The following THSD7A variants were observed in gnomAD, a reference collection of about 807,000 sequenced individuals.
THSD7A encodes thrombospondin type-1 domain-containing protein 7A.
A neutral mutation model predicts 231.3 loss-of-function variants in THSD7A; 96 were observed. That is an observed-to-expected ratio of 0.41 (90% CI 0.35 to 0.49). The LOEUF (loss-of-function observed/expected upper bound fraction) is 0.49, where lower values mean the gene tolerates loss of function less well. Ranked by LOEUF, THSD7A falls within the 20% of genes least tolerant of loss-of-function variation. The probability of loss-of-function intolerance (pLI) is 0.05; values close to 1 mark genes in which losing one functional copy is unlikely to be tolerated. For synonymous variants in THSD7A, 940 were observed against 743.3 expected (o/e 1.26, Z -4.30); for missense variants, 2,290 against 2,070.2 (o/e 1.11, Z -2.06).
intron 6 of THSD7A, 26 bp from the exon 7 acceptor site, chr7:11,482,008 C>T (rs1411443844): frequency 6.4e-7 from 1 of 1,553,394 alleles, no homozygotes; most frequent in Admixed American, 1.9e-5. Context: ...CCACCAACAG[C>T]TATTATTGTT....
At chr7:11,727,208 G>A (rs1268633844) in intron 1 of THSD7A, among the ~76,000 whole-genome samples, 1 of 151,928 alleles carries the variant, frequency 6.6e-6, no homozygotes, top group Non-Finnish European at 1.5e-5. Context: ...TTGGGCCTTT[G>A]AGATTCTTGC....
intron 1 of THSD7A, among the ~76,000 whole-genome samples, chr7:11,722,770 C>A (rs1411996199): frequency 6.6e-6 from 1 of 152,004 alleles, no homozygotes; most frequent in Non-Finnish European, 1.5e-5. Context: ...ATCAAAACCA[C>A]AATGAGATAC....
At chr7:11,783,419 C>T (rs1339522057) in intron 1 of THSD7A, among the ~76,000 whole-genome samples, 2 of 152,148 alleles carry the variant, frequency 1.3e-5, no homozygotes, top group Admixed American at 6.5e-5. Context: ...GTGTATCACT[C>T]TCTCACCATT....
intron 1 of THSD7A, among the ~76,000 whole-genome samples, chr7:11,811,327 G>A (rs1245657782): frequency 6.6e-6 from 1 of 152,096 alleles, no homozygotes; most frequent in African/African-American, 2.4e-5. Flanking sequence ...GGTTAAAATT[G>A]CTATTTTTAT....
intron 6 of THSD7A, among the ~76,000 whole-genome samples, chr7:11,486,216 A>C (rs1786650110): frequency 6.6e-6 from 1 of 152,010 alleles, no homozygotes; most frequent in Non-Finnish European, 1.5e-5. Context: ...AGCAGAAAAT[A>C]ATTTCATCCC....
At chr7:11,412,331 G>T (rs907764174) in intron 18 of THSD7A, among the ~76,000 whole-genome samples, 46 of 152,102 alleles carry the variant, frequency 3.0e-4, no homozygotes, top group African/African-American at 9.9e-4. Context: ...AGACATTTTT[G>T]AATAAATCTG....
chr7:11,790,206 G>T (rs76817184), intron 1 of THSD7A, among the ~76,000 whole-genome samples: 4,145 of 151,850 alleles, frequency 0.027, 99 homozygotes, highest in East Asian at 0.14. Context: ...ATGCTATATT[G>T]TTCAGAAAAT....
chr7:11,644,722 A>G (rs183373737), intron 1 of THSD7A, among the ~76,000 whole-genome samples: 2 of 152,150 alleles, frequency 1.3e-5, no homozygotes, highest in Admixed American at 1.3e-4. Context: ...AATGCTAAAC[A>G]CAATAATCTA....
At chr7:11,694,192 G>A (rs757627778) in intron 1 of THSD7A, among the ~76,000 whole-genome samples, 2 of 151,364 alleles carry the variant, frequency 1.3e-5, no homozygotes, top group Non-Finnish European at 1.5e-5. Flanking sequence ...GTTTATCAGT[G>A]ATTTCATTTT....
chr7:11,548,261 A>G (rs1027572837), intron 4 of THSD7A, among the ~76,000 whole-genome samples: 2 of 152,074 alleles, frequency 1.3e-5, no homozygotes, highest in Non-Finnish European at 1.5e-5. Context: ...AACTTATAAG[A>G]AATGGATAAA....
chr7:11,551,612 T>C (rs2214590), intron 4 of THSD7A, among the ~76,000 whole-genome samples: 34,965 of 151,976 alleles, frequency 0.23, 4,660 homozygotes, highest in African/African-American at 0.37. Flanking sequence ...AACATCACTA[T>C]TCATCAGAGA....
chr7:11,691,558 A>G (rs185455399), intron 1 of THSD7A, among the ~76,000 whole-genome samples: 1 of 151,608 alleles, frequency 6.6e-6, no homozygotes, highest in East Asian at 2.0e-4. Context: ...CAAGAGTCAT[A>G]CACAAAAATT....
chr7:11,690,312 G>A (rs1780192607), intron 1 of THSD7A, among the ~76,000 whole-genome samples: 1 of 151,642 alleles, frequency 6.6e-6, no homozygotes, highest in East Asian at 1.9e-4. Context: ...ATATTACAGG[G>A]GAAGTATAAC....
intron 6 of THSD7A, among the ~76,000 whole-genome samples, chr7:11,500,592 T>A (rs576370994): frequency 1.3e-5 from 2 of 151,916 alleles, no homozygotes; most frequent in African/African-American, 4.8e-5. Flanking sequence ...TAATGACACT[T>A]GTAGGCTCAA....
intron 4 of THSD7A, among the ~76,000 whole-genome samples, chr7:11,573,337 C>T (rs541898982): frequency 4.6e-5 from 7 of 152,324 alleles, no homozygotes; most frequent in African/African-American, 1.7e-4. Context: ...CCTTTCCCTC[C>T]AGTGTAGATT....
chr7:11,389,294 T>A (rs1271030082), intron 23 of THSD7A, among the ~76,000 whole-genome samples: 3 of 151,930 alleles, frequency 2.0e-5, no homozygotes, highest in Non-Finnish European at 2.9e-5. Flanking sequence ...TGGGTGCATC[T>A]ATATTTAAGA....
chr7:11,681,543 T>C (rs1227715803), intron 1 of THSD7A, among the ~76,000 whole-genome samples: 1 of 151,856 alleles, frequency 6.6e-6, no homozygotes, highest in Non-Finnish European at 1.5e-5. Context: ...ATCATCCTAT[T>C]CAGAGAAAAA....
chr7:11,741,695 G>A (rs1358831983), intron 1 of THSD7A, among the ~76,000 whole-genome samples: 2 of 151,506 alleles, frequency 1.3e-5, no homozygotes, highest in African/African-American at 4.9e-5. Flanking sequence ...ACTTTAGGAG[G>A]GGAAAAGTAT....
intron 1 of THSD7A, among the ~76,000 whole-genome samples, chr7:11,706,193 G>T (rs990537973): frequency 2.0e-5 from 3 of 150,816 alleles, no homozygotes; most frequent in East Asian, 2.0e-4. Context: ...TGCTACAAAG[G>T]CACCATTTTG....
Sources: gnomAD v4.1 joint callset for allele counts (sites outside exome capture counted in the v4.1 genomes callset) on GRCh38, gnomAD v4.1.1 for gene constraint, MANE v1.5 for transcripts, NCBI Gene and HGNC (gene_info 2026-07-23, HGNC 2026-07-21) for gene names.